DIAPH3: variants seen among roughly 807,000 people sequenced by gnomAD.
DIAPH3 encodes the protein diaphanous related formin 3, also known as protein diaphanous homolog 3.
Under a neutral mutation model 144.3 loss-of-function variants are expected in DIAPH3, and 117 were observed. The ratio of observed to expected loss-of-function variants is 0.81; its 90% CI spans 0.70 to 0.95. DIAPH3 has a LOEUF of 0.95. Ranked by LOEUF, DIAPH3 falls within the 40% of genes least tolerant of loss-of-function variation. The probability of loss-of-function intolerance (pLI) is 0.00; values close to 1 mark genes in which losing one functional copy is unlikely to be tolerated. For synonymous variants in DIAPH3, 519 were observed against 488.9 expected (o/e 1.06, Z -0.81); for missense variants, 1,421 against 1,412.7 (o/e 1.01, Z -0.09).
intron 5 of DIAPH3, among the ~76,000 whole-genome samples, chr13:60,021,716 G>A (rs2054039418): frequency 6.6e-6 from 1 of 150,948 alleles, no homozygotes; most frequent in African/African-American, 2.4e-5. Flanking sequence ...TGCCTTTACT[G>A]GTTTTGAAAA....
At chr13:59,960,154 T>A (rs2049662441) in intron 17 of DIAPH3, among the ~76,000 whole-genome samples, 1 of 152,208 alleles carries the variant, frequency 6.6e-6, no homozygotes, top group Non-Finnish European at 1.5e-5. Flanking sequence ...CTGAGTTGAA[T>A]AATTTTCACT....
At chr13:59,812,605 C>T (rs2040545155) in intron 24 of DIAPH3, among the ~76,000 whole-genome samples, 1 of 152,106 alleles carries the variant, frequency 6.6e-6, no homozygotes, top group South Asian at 2.1e-4. Context: ...TGACTTGATT[C>T]AAGCTGAATC....
rs1027233164 is a variant in DIAPH3 at position 59,979,105 on chromosome 13, T to C, written c.1545+1690A>G. On this transcript the variant is annotated intron_variant, in intron 14 of 27. Coordinates refer to ENST00000400324, the MANE Select transcript of DIAPH3 (RefSeq NM_001042517.2). ...CAATAGAAATATTTTATGGAGCAAATAGTATTTTCTGAATCTAACTAACAC... is the reference window on the plus strand; with the variant it reads ...CAATAGAAATATTTTATGGAGCAAACAGTATTTTCTGAATCTAACTAACAC... Among the ~76,000 whole-genome samples the C allele has an allele frequency of 5.3e-5, 8 of 151,620 alleles. No homozygotes were observed. The East Asian group carries it at 9.7e-4, about 18-fold the overall frequency.
rs2058832919 is a variant in DIAPH3 at position 60,121,058 on chromosome 13, T to C, written c.214-8872A>G. Among the ~76,000 whole-genome samples the C allele has an allele frequency of 2.0e-5, 3 of 152,330 alleles. No individual in the cohort carries two copies. The South Asian group carries it at 6.2e-4, about 32-fold the overall frequency. The stretch of plus-strand genomic sequence containing the variant: ...AATTTTAATATATCAATAAATGTTC[T>C]TCACTATTGCATTAAATAACAAAGG... On this transcript the variant is annotated intron_variant, in intron 2 of 27. Coordinates refer to ENST00000400324, the MANE Select transcript of DIAPH3 (RefSeq NM_001042517.2).
At chr13:59,752,297 A>G (rs998619048) in intron 27 of DIAPH3, among the ~76,000 whole-genome samples, 3 of 151,724 alleles carry the variant, frequency 2.0e-5, no homozygotes, top group Admixed American at 6.6e-5. Context: ...AACTAAGTAG[A>G]CCCCTATAGG....
chr13:59,930,623 C>A (rs2047976992), intron 17 of DIAPH3, among the ~76,000 whole-genome samples: 1 of 152,104 alleles, frequency 6.6e-6, no homozygotes, highest in Non-Finnish European at 1.5e-5. Context: ...AGAAATGAGT[C>A]AGGTACCAGA....
At chr13:59,813,795 G>A (rs894206162) in intron 24 of DIAPH3, among the ~76,000 whole-genome samples, 1 of 149,130 alleles carries the variant, frequency 6.7e-6, no homozygotes. Flanking sequence ...AGGCGGCAGA[G>A]GTTTCAGTGA....
intron 1 of DIAPH3, among the ~76,000 whole-genome samples, chr13:60,149,592 T>TATAA: frequency 6.6e-6 from 1 of 151,670 alleles, no homozygotes; most frequent in South Asian, 2.1e-4. Context: ...CTCTATAAAA[T>TATAA]ATAAATAAAT....
chr13:59,721,402 C>T (rs2035335833), intron 27 of DIAPH3, among the ~76,000 whole-genome samples: 2 of 151,984 alleles, frequency 1.3e-5, no homozygotes, highest in Non-Finnish European at 2.9e-5. Flanking sequence ...GCATTTATTG[C>T]ACTGGGATTT....
At chr13:60,028,448 A>G (rs1467282302) in intron 5 of DIAPH3, among the ~76,000 whole-genome samples, 1 of 152,112 alleles carries the variant, frequency 6.6e-6, no homozygotes, top group African/African-American at 2.4e-5. Flanking sequence ...CTCTTCCTTT[A>G]GGTCCAGAAA....
intron 4 of DIAPH3, among the ~76,000 whole-genome samples, chr13:60,080,533 G>T (rs1257902711): frequency 6.6e-6 from 1 of 151,790 alleles, no homozygotes; most frequent in Non-Finnish European, 1.5e-5. Flanking sequence ...TAAAGCAAAA[G>T]AAATTAAGGT....
intron 5 of DIAPH3, among the ~76,000 whole-genome samples, chr13:60,023,437 C>CT (rs36089305): frequency 0.026 from 3,773 of 143,898 alleles, 138 homozygotes; most frequent in African/African-American, 0.087. Flanking sequence ...GTTTTCAGAA[C>CT]TTTTTTTTTT....
intron 3 of DIAPH3, among the ~76,000 whole-genome samples, chr13:60,101,145 C>T (rs574502843): frequency 1.3e-5 from 2 of 152,280 alleles, no homozygotes; most frequent in South Asian, 4.1e-4. Context: ...ATAAGCATTA[C>T]TTAATTAATC....
At chr13:59,923,768 C>A (rs889775399) in intron 18 of DIAPH3, among the ~76,000 whole-genome samples, 1 of 152,134 alleles carries the variant, frequency 6.6e-6, no homozygotes, top group African/African-American at 2.4e-5. Flanking sequence ...ACACCAATGC[C>A]GCCATACTAT....
intron 27 of DIAPH3, among the ~76,000 whole-genome samples, chr13:59,769,055 A>G (rs1200027042): frequency 6.6e-6 from 1 of 152,158 alleles, no homozygotes; most frequent in East Asian, 1.9e-4. Context: ...CCACTGTACC[A>G]CTTATGAAAA....
intron 27 of DIAPH3, among the ~76,000 whole-genome samples, chr13:59,762,442 T>G (rs1415384389): frequency 7.0e-6 from 1 of 141,976 alleles, no homozygotes; most frequent in Non-Finnish European, 1.5e-5. Flanking sequence ...GAGGTGGGAG[T>G]GGATTATATA....
At chr13:59,867,773 G>C (rs1393928027) in intron 21 of DIAPH3, among the ~76,000 whole-genome samples, 1 of 152,020 alleles carries the variant, frequency 6.6e-6, no homozygotes, top group African/African-American at 2.4e-5. Context: ...ATATAAAACA[G>C]CTCAATGTTC....
chr13:60,072,631 C>T (rs1385400315), intron 4 of DIAPH3, among the ~76,000 whole-genome samples: 3 of 152,036 alleles, frequency 2.0e-5, no homozygotes, highest in Admixed American at 6.6e-5. Context: ...ATACTGCTTA[C>T]TATAAGTTAT....
intron 17 of DIAPH3, among the ~76,000 whole-genome samples, chr13:59,961,836 C>G (rs1487653194): frequency 2.0e-5 from 3 of 151,920 alleles, no homozygotes; most frequent in African/African-American, 7.3e-5. Flanking sequence ...TTTCTGGGAG[C>G]AAATAAAGTA....
Sources: gnomAD v4.1 joint callset for allele counts (sites outside exome capture counted in the v4.1 genomes callset) on GRCh38, gnomAD v4.1.1 for gene constraint, MANE v1.5 for transcripts, NCBI Gene and HGNC (gene_info 2026-07-23, HGNC 2026-07-21) for gene names.